Variants in SCLT1 observed in about 807,000 individuals in gnomAD.
SCLT1 encodes sodium channel-associated protein 1.
SCLT1 carries 78 observed loss-of-function variants against 112.8 expected under a neutral mutation model. The observed-to-expected ratio is 0.69, with a 90% CI of 0.58 to 0.83. The LOEUF (loss-of-function observed/expected upper bound fraction) is 0.83. Ranked by LOEUF, SCLT1 falls within the 40% of genes least tolerant of loss-of-function variation. The pLI is 0.00. For synonymous variants in SCLT1, 257 were observed against 254.7 expected (o/e 1.01, Z -0.09); for missense variants, 747 against 770.4 (o/e 0.97, Z 0.36).
chr4:128,989,760 G>C (rs1182774690), intron 9 of SCLT1, among the ~76,000 whole-genome samples: 2 of 151,236 alleles, frequency 1.3e-5, no homozygotes, highest in Admixed American at 6.6e-5. Flanking sequence ...AAAATGAGAT[G>C]AAGGAGATAT....
intron 18 of SCLT1, among the ~76,000 whole-genome samples, chr4:128,891,520 G>A (rs1280183665): frequency 6.6e-6 from 1 of 151,674 alleles, no homozygotes; most frequent in African/African-American, 2.4e-5. Flanking sequence ...AAGTACAAAA[G>A]TATCTTCAAC....
chr4:128,954,819 T>C (rs1739086213), intron 13 of SCLT1, among the ~76,000 whole-genome samples: 1 of 152,188 alleles, frequency 6.6e-6, no homozygotes, highest in Non-Finnish European at 1.5e-5. Context: ...ATTTCCATTA[T>C]AGATGAGGAA....
chr4:128,948,522 T>A lies in SCLT1; in HGVS notation c.1267A>T (p.Lys423Ter). 2 of 1,610,000 alleles carry A rather than the reference T, an allele frequency of 1.2e-6. No homozygotes were observed. Among genetic ancestry groups the A allele is most frequent in the Non-Finnish European group, 1.7e-6 (2 of 1,177,570 alleles). The change falls in exon 15 of 21, where the codon AAA (lysine) becomes TAA (stop). Residue 423 changes from lysine to a stop codon, truncating the protein, a stop_gained. Transcript: ENST00000281142. LOFTEE classifies it high-confidence loss of function. ...GQIERVIKEK[K>*]AVEEELEKIY... ...TTTTCTAGTTCTTCTTCCACTGCTT[T>A]TTTTTCCTTAATGACTCGTTCAATT...
intron 2 of SCLT1, among the ~76,000 whole-genome samples, chr4:129,078,476 G>A (rs1237263183): frequency 6.6e-6 from 1 of 151,998 alleles, no homozygotes; most frequent in Non-Finnish European, 1.5e-5. Flanking sequence ...AAAACTTAAA[G>A]GCTGTTGGAA....
rs1192545548 is a variant in SCLT1, at chr4:128,888,769, T to C, written c.1914A>G (p.Glu638=). The part of the protein sequence containing the change: ...EMANEKVAEN[E]KLILEHQEKA... ...TTTCTTGATGCTCTAGAATTAGCTTTTCATTCTATTAAGGGGAAATAGAAA... is the reference window on the plus strand; with the variant it reads ...TTTCTTGATGCTCTAGAATTAGCTTCTCATTCTATTAAGGGGAAATAGAAA... The change falls in exon 20 of 21, where the codon GAA becomes GAG. Residue 638 remains glutamate (E), a synonymous_variant. Transcript: ENST00000281142. The C allele has an allele frequency of 1.9e-5, 31 of 1,593,516 alleles. No individual in the cohort carries two copies. The highest frequency in any genetic ancestry group is 2.7e-5 in the Non-Finnish European group (31 of 1,161,984).
chr4:128,939,175 C>T (rs774680089), intron 17 of SCLT1, among the ~76,000 whole-genome samples: 2 of 152,138 alleles, frequency 1.3e-5, no homozygotes, highest in Non-Finnish European at 2.9e-5. Flanking sequence ...TGTGTTGTGC[C>T]ACACTATTCC....
At chr4:128,901,529 T>TGGGGGGGGGG (rs5861871) in intron 18 of SCLT1, among the ~76,000 whole-genome samples, 3 of 133,520 alleles carry the variant, frequency 2.2e-5, no homozygotes, top group Non-Finnish European at 4.9e-5. Flanking sequence ...TGTGGGGTGG[T>TGGGGGGGGGG]GGGGGGGGGG....
At chr4:129,084,608 C>T (rs1752237769) in intron 1 of SCLT1, among the ~76,000 whole-genome samples, 1 of 152,074 alleles carries the variant, frequency 6.6e-6, no homozygotes, top group South Asian at 2.1e-4. Flanking sequence ...ATCATGTTTC[C>T]TAACTTAGAA....
At position 129,025,478 on chromosome 4, in the gene SCLT1, C is replaced by A. The variant is rs868085696; in HGVS notation, c.290+13563G>T. On this transcript the variant is annotated intron_variant, in intron 5 of 20. Transcript: ENST00000281142. Reference sequence around the variant, plus strand: ...TTCATAAGTGAAGGAGAAATAAAATCCTTTACAGAAAAGCAAATGCTGAGA... The same window carrying A: ...TTCATAAGTGAAGGAGAAATAAAATACTTTACAGAAAAGCAAATGCTGAGA... Among the ~76,000 whole-genome samples the A allele has an allele frequency of 5.0e-3, 756 of 152,168 alleles. 5 individuals are homozygous for A. Among genetic ancestry groups the A allele is most frequent in the African/African-American group, 0.017 (711 of 41,500 alleles).
intron 2 of SCLT1, among the ~76,000 whole-genome samples, chr4:129,048,687 C>A (rs1748439379): frequency 2.6e-5 from 4 of 152,150 alleles, no homozygotes. Flanking sequence ...TCACAGTGAA[C>A]AGGCAACCTA....
intron 2 of SCLT1, among the ~76,000 whole-genome samples, chr4:129,064,719 A>C (rs888777394): frequency 6.6e-6 from 1 of 152,158 alleles, no homozygotes; most frequent in Admixed American, 6.5e-5. Context: ...TTTCTAGCTT[A>C]ATTTAGAAAT....
At position 129,033,058 on chromosome 4, in the gene SCLT1, C is replaced by G. The variant is rs111266539; in HGVS notation, c.290+5983G>C. 2.3e-4 allele frequency among the ~76,000 whole-genome samples: 35 copies of G among 152,182 alleles called. No individual in the cohort carries two copies. The East Asian group carries it at 6.4e-3, about 28-fold the overall frequency. The stretch of plus-strand genomic sequence containing the variant: ...CATATGTTTACTGAAGCACTATTTA[C>G]AATAGCAAAGACTTGGAACCAACCC... On this transcript the variant is annotated intron_variant, in intron 5 of 20. Transcript: ENST00000281142.
chr4:129,034,777 C>T (rs34145504), intron 5 of SCLT1, among the ~76,000 whole-genome samples: 13,523 of 151,024 alleles, frequency 0.09, 762 homozygotes, highest in South Asian at 0.15. Flanking sequence ...ATCTCTGTCA[C>T]GACTATTCAA....
intron 5 of SCLT1, among the ~76,000 whole-genome samples, chr4:129,009,431 G>A (rs1265353672): frequency 6.6e-6 from 1 of 151,698 alleles, no homozygotes; most frequent in Non-Finnish European, 1.5e-5. Flanking sequence ...GGAGAATGGT[G>A]TGAACCCAGG....
chr4:128,909,271 G>T (rs1465021244), intron 18 of SCLT1, among the ~76,000 whole-genome samples: 1 of 151,878 alleles, frequency 6.6e-6, no homozygotes, highest in Non-Finnish European at 1.5e-5. Flanking sequence ...TTTTTTTACA[G>T]ACAAGGTCTC....
chr4:128,964,127 T>C (rs1285917173), intron 11 of SCLT1, among the ~76,000 whole-genome samples: 1 of 152,194 alleles, frequency 6.6e-6, no homozygotes, highest in African/African-American at 2.4e-5. Flanking sequence ...TGGACCATTC[T>C]GATATACCAG....
At chr4:129,059,841 T>C (rs1749790375) in intron 2 of SCLT1, among the ~76,000 whole-genome samples, 1 of 152,198 alleles carries the variant, frequency 6.6e-6, no homozygotes, top group Non-Finnish European at 1.5e-5. Context: ...CTGTTTGGGT[T>C]AAGTCTCATT....
chr4:128,889,294 G>A (rs1733129551), intron 19 of SCLT1, among the ~76,000 whole-genome samples: 1 of 152,192 alleles, frequency 6.6e-6, no homozygotes, highest in Non-Finnish European at 1.5e-5. Flanking sequence ...ATCAAGTTGA[G>A]ATGAGATCAT....
At chr4:129,050,106 A>G (rs1748627880) in intron 2 of SCLT1, among the ~76,000 whole-genome samples, 1 of 152,166 alleles carries the variant, frequency 6.6e-6, no homozygotes, top group African/African-American at 2.4e-5. Flanking sequence ...TCCGTGGTGT[A>G]TATGTGCCCC....
Sources: allele counts gnomAD v4.1 joint callset (sites outside exome capture counted in the v4.1 genomes callset), GRCh38; gene constraint gnomAD v4.1.1; transcripts MANE v1.5; gene names NCBI Gene and HGNC (gene_info 2026-07-23, HGNC 2026-07-21).